EPHA7: variants seen among roughly 807,000 people sequenced by gnomAD.
EPHA7 encodes the protein ephrin type-A receptor 7.
In EPHA7, 25 loss-of-function variants were observed where a neutral mutation model predicts 112.6. That is an observed-to-expected ratio of 0.22 (90% CI 0.16 to 0.31). The LOEUF (loss-of-function observed/expected upper bound fraction) is 0.31. Ranked by LOEUF, EPHA7 falls within the 10% of genes least tolerant of loss-of-function variation. The probability of loss-of-function intolerance (pLI) is 1.00; values close to 1 mark genes in which losing one functional copy is unlikely to be tolerated. For synonymous variants in EPHA7, 437 were observed against 406.5 expected (o/e 1.07, Z -0.90); for missense variants, 962 against 1,212.6 (o/e 0.79, Z 3.07).
At chr6:93,311,659 T>G (rs891117821) in intron 5 of EPHA7, among the ~76,000 whole-genome samples, 2 of 152,166 alleles carry the variant, frequency 1.3e-5, no homozygotes, top group Non-Finnish European at 2.9e-5. Context: ...GTTGAAAATT[T>G]GACCTCCTCC....
chr6:93,418,727 C>G (rs1377622667), intron 1 of EPHA7, among the ~76,000 whole-genome samples: 1 of 152,192 alleles, frequency 6.6e-6, no homozygotes, highest in Non-Finnish European at 1.5e-5. Context: ...CATTAGTAAC[C>G]CGAGCTTTCC....
In EPHA7 at chr6:93,410,728, T is replaced by A. The variant is rs1446975884; in HGVS notation, c.605A>T (p.Tyr202Phe). The A allele has an allele frequency of 6.2e-7, 1 of 1,613,906 alleles. No individual in the cohort carries two copies. Among genetic ancestry groups the A allele is most frequent in the Admixed American group, 1.7e-5 (1 of 59,972 alleles). ...CTCAATAATGGACCAGCACTTCTTG[T>A]AGTACACTTTGACAGAAACCAAAGC... Reference protein sequence around the residue: ...CIALVSVKVYYKKCWSIIENL... With the variant: ...CIALVSVKVYFKKCWSIIENL... Residue 202 changes from tyrosine to phenylalanine, a missense_variant, in exon 3 of 17, where the codon TAC (tyrosine) becomes TTC (phenylalanine). Coordinates refer to ENST00000369303, the MANE Select transcript of EPHA7 (RefSeq NM_004440.4). The surrounding 1 kb of genome is among the most constrained non-coding windows in gnomAD (Gnocchi z 4.0).
chr6:93,376,027 G>C (rs1226186091), intron 3 of EPHA7, among the ~76,000 whole-genome samples: 1 of 152,142 alleles, frequency 6.6e-6, no homozygotes, highest in Non-Finnish European at 1.5e-5. Context: ...AGGAGGTGGG[G>C]GTTGGTCATC....
chr6:93,313,559 T>C (rs1378043192), intron 5 of EPHA7, among the ~76,000 whole-genome samples: 1 of 151,966 alleles, frequency 6.6e-6, no homozygotes, highest in Non-Finnish European at 1.5e-5. Context: ...ATAAAAAAGA[T>C]ACAAACAAAA....
At chr6:93,287,394 C>G (rs1772120841) in intron 5 of EPHA7, among the ~76,000 whole-genome samples, 1 of 152,062 alleles carries the variant, frequency 6.6e-6, no homozygotes, top group Non-Finnish European at 1.5e-5. Flanking sequence ...AGGTTACTCA[C>G]ACTGAAGTGC....
At chr6:93,266,399 C>T (rs903472511) in intron 7 of EPHA7, among the ~76,000 whole-genome samples, 1 of 151,598 alleles carries the variant, frequency 6.6e-6, no homozygotes, top group Non-Finnish European at 1.5e-5. Flanking sequence ...AAAATGAACT[C>T]AGGTGAATGA....
At chr6:93,301,366 T>C (rs1772969682) in intron 5 of EPHA7, among the ~76,000 whole-genome samples, 3 of 152,166 alleles carry the variant, frequency 2.0e-5, no homozygotes, top group African/African-American at 7.2e-5. Flanking sequence ...GTTGGAAACA[T>C]GACAGTTCTC....
intron 5 of EPHA7, among the ~76,000 whole-genome samples, chr6:93,308,352 C>T (rs1053036521): frequency 6.6e-6 from 1 of 151,964 alleles, no homozygotes; most frequent in Admixed American, 6.6e-5. Context: ...GAAAATATAT[C>T]TTATTATTTT....
At chr6:93,391,307 G>T (rs561209051) in intron 3 of EPHA7, among the ~76,000 whole-genome samples, 1 of 151,894 alleles carries the variant, frequency 6.6e-6, no homozygotes, top group Non-Finnish European at 1.5e-5. Context: ...ATCTTTACTT[G>T]AGAAACTACT....
At chr6:93,247,179 A>G (rs1769993148) in intron 14 of EPHA7, among the ~76,000 whole-genome samples, 194 bp from the exon 15 acceptor site, 1 of 152,184 alleles carries the variant, frequency 6.6e-6, no homozygotes, top group Admixed American at 6.5e-5. Context: ...GGATATGATG[A>G]CATTTCCTAG....
intron 5 of EPHA7, among the ~76,000 whole-genome samples, chr6:93,310,678 T>G (rs1447261114): frequency 1.3e-5 from 2 of 151,350 alleles, no homozygotes; most frequent in Non-Finnish European, 2.9e-5. Context: ...AAAAAAAAAG[T>G]TACGTTTACA....
chr6:93,272,957 T>G (rs1425525865), intron 5 of EPHA7, among the ~76,000 whole-genome samples: 1 of 151,944 alleles, frequency 6.6e-6, no homozygotes, highest in Admixed American at 6.6e-5. Flanking sequence ...GGAAAACATT[T>G]TTAGACTTTA....
chr6:93,299,017 T>C (rs576125417), intron 5 of EPHA7, among the ~76,000 whole-genome samples: 44 of 152,154 alleles, frequency 2.9e-4, no homozygotes, highest in African/African-American at 1.0e-3. Context: ...GACATACATA[T>C]GGCCAACAAG....
chr6:93,247,894 T>A, intron 14 of EPHA7, among the ~76,000 whole-genome samples: 1 of 152,172 alleles, frequency 6.6e-6, no homozygotes, highest in East Asian at 1.9e-4. Flanking sequence ...AGAAAAATTA[T>A]CATTCAGACT....
chr6:93,414,041 GGTTA>G (rs941233142), intron 2 of EPHA7, among the ~76,000 whole-genome samples: 6 of 151,744 alleles, frequency 4.0e-5, no homozygotes, highest in Non-Finnish European at 8.9e-5. Flanking sequence ...GAAAAATAAT[GGTTA>G]GTATTTTTAA....
chr6:93,252,323 A>G (rs1307594418), intron 14 of EPHA7, among the ~76,000 whole-genome samples: 2 of 152,136 alleles, frequency 1.3e-5, no homozygotes, highest in South Asian at 2.1e-4. Flanking sequence ...ACAAATTCCT[A>G]GCAACTAAAT....
At chr6:93,361,946 T>C (rs776246403) in intron 3 of EPHA7, among the ~76,000 whole-genome samples, 23 of 152,104 alleles carry the variant, frequency 1.5e-4, no homozygotes, top group Non-Finnish European at 2.6e-4. Flanking sequence ...TAACTGAACA[T>C]TCACTATATT....
intron 5 of EPHA7, among the ~76,000 whole-genome samples, chr6:93,295,369 T>C (rs1265474133): frequency 6.6e-6 from 1 of 151,930 alleles, no homozygotes; most frequent in Non-Finnish European, 1.5e-5. Context: ...CTCTCCATTT[T>C]GGTAGTTTCT....
chr6:93,343,692 G>C (rs977211591), intron 5 of EPHA7, among the ~76,000 whole-genome samples: 1 of 151,492 alleles, frequency 6.6e-6, no homozygotes, highest in Non-Finnish European at 1.5e-5. Context: ...CCAGAAAAAT[G>C]GTCGAAAAAA....
Sources: gnomAD v4.1 joint callset for allele counts (sites outside exome capture counted in the v4.1 genomes callset) on GRCh38, gnomAD v4.1.1 for gene constraint, Gnocchi (gnomAD v3.1) non-coding constraint, MANE v1.5 for transcripts, NCBI Gene and HGNC (gene_info 2026-07-23, HGNC 2026-07-21) for gene names.